Variants in SYNJ2 observed in about 807,000 individuals in gnomAD.
SYNJ2 encodes the protein synaptojanin 2.
A neutral mutation model predicts 141.3 loss-of-function variants in SYNJ2; 116 were observed. The ratio of observed to expected loss-of-function variants is 0.82; its 90% confidence interval spans 0.71 to 0.96. SYNJ2 has a LOEUF of 0.96. Among genes scored for constraint, SYNJ2 ranks in the 40% least tolerant of loss-of-function variants. The pLI is 0.00. For missense variants in SYNJ2, 1,873 were observed against 1,934.8 expected (o/e 0.97, Z 0.60); for synonymous variants, 745 against 777.7 (o/e 0.96, Z 0.70).
chr6:158,026,469 C>T lies in SYNJ2; in HGVS notation c.215-2287C>T, dbSNP rs377517089. 2.2e-4 allele frequency among the ~76,000 whole-genome samples: 33 copies of T among 152,260 alleles called. No individual in the cohort carries two copies. The South Asian group carries it at 6.4e-3, about 30-fold the overall frequency. ...CTGTACAGCTCCCCTGCCTCCACTG[C>T]GCTCACCAGATACCGGCTCTCCTCA... On this transcript the variant is annotated intron_variant, in intron 2 of 26. Coordinates refer to ENST00000355585, the MANE Select transcript of SYNJ2 (RefSeq NM_003898.4).
At chr6:158,006,520 G>A (rs936089771) in intron 1 of SYNJ2, among the ~76,000 whole-genome samples, 2 of 152,240 alleles carry the variant, frequency 1.3e-5, no homozygotes, top group Non-Finnish European at 1.5e-5. Context: ...GGGTTTTCTT[G>A]TATCTTCTTG....
intron 2 of SYNJ2, among the ~76,000 whole-genome samples, chr6:158,021,990 T>G (rs968243695): frequency 6.6e-6 from 1 of 152,192 alleles, no homozygotes; most frequent in Non-Finnish European, 1.5e-5. Context: ...GGGTGCTCAC[T>G]GCGGGTGTTC....
chr6:158,058,770 T>C (rs1009636825), intron 6 of SYNJ2, among the ~76,000 whole-genome samples: 3 of 151,938 alleles, frequency 2.0e-5, no homozygotes, highest in Non-Finnish European at 4.4e-5. Context: ...CTATGAAAAA[T>C]AAATAAGTAA....
At chr6:157,985,508 G>C (rs868138799) in intron 1 of SYNJ2, among the ~76,000 whole-genome samples, 4 of 152,192 alleles carry the variant, frequency 2.6e-5, no homozygotes, top group African/African-American at 9.6e-5. Flanking sequence ...CAGCACAGGT[G>C]GGAAGCCCCG....
Position 158,071,050 on chromosome 6 carries a change from G to GT in SYNJ2, c.1941-551dup, listed in dbSNP as rs574767796. 2.7e-3 allele frequency among the ~76,000 whole-genome samples: 406 copies of GT among 152,292 alleles called. 1 individual carries two copies. Among genetic ancestry groups the GT allele is most frequent in the Admixed American group, 4.8e-3 (73 of 15,302 alleles). ...ATACAAAAATTAGCCGGGCGTGATG[G>GT]TGGGTACCTGTAATCCCAGCTACTC... On this transcript the variant is annotated intron_variant, in intron 14 of 26. Coordinates refer to ENST00000355585, the MANE Select transcript of SYNJ2 (RefSeq NM_003898.4). This position sits in a 1 kb window ranked among gnomAD's most constrained non-coding sequence, Gnocchi z 4.3.
rs188047969 is a variant in SYNJ2 at position 158,032,895 on chromosome 6, C to T, written c.486-560C>T. On this transcript the variant is annotated intron_variant, in intron 3 of 26. Transcript: ENST00000355585. ...AACTTTCATTACATTTTATTTTCCT[C>T]GGATCTTTTTAAAATTTATTTTGGA... Among the ~76,000 whole-genome samples, 119 of 152,316 alleles carry T rather than the reference C, an allele frequency of 7.8e-4. 1 individual carries two copies. Among genetic ancestry groups the T allele is most frequent in the Admixed American group, 7.6e-3 (117 of 15,304 alleles).
chr6:158,062,652 A>C (rs1357189562), intron 8 of SYNJ2, among the ~76,000 whole-genome samples: 2 of 152,164 alleles, frequency 1.3e-5, no homozygotes, highest in African/African-American at 4.8e-5. Flanking sequence ...CCCTCAGGTC[A>C]CATGCAGGGG....
rs543698350 is a variant in SYNJ2, at chr6:158,006,759, G to A, written c.128-10445G>A. Among the ~76,000 whole-genome samples, 11 of 152,140 alleles carry A rather than the reference G, an allele frequency of 7.2e-5. No homozygotes were observed. The South Asian group carries it at 8.3e-4, about 11-fold the overall frequency. On this transcript the variant is annotated intron_variant, in intron 1 of 26. Transcript: ENST00000355585. ...GCGATCTCGGCTCACTGCAACCTTC[G>A]CCTCCTGGGTTCAAGTGATTCTCCT... is the stretch of plus-strand genomic sequence containing the variant.
At chr6:158,082,728 T>C (rs1467627297) in intron 20 of SYNJ2, among the ~76,000 whole-genome samples, 1 of 152,188 alleles carries the variant, frequency 6.6e-6, no homozygotes, top group Non-Finnish European at 1.5e-5. Flanking sequence ...AAGGCAGCTC[T>C]ACCAGCAGCT....
Position 158,067,544 on chromosome 6 carries a change from C to T in SYNJ2, c.1717+909C>T, listed in dbSNP as rs553496072. The T allele has an allele frequency of 1.1e-5, 11 of 985,414 alleles. No individual in the cohort carries two copies. In the South Asian group the frequency reaches 4.2e-4, roughly 38 times the overall value. 61.0% of individuals were successfully genotyped at this position (985,414 alleles called of 1,614,324 possible). A position where few individuals can be genotyped will look rare whatever the true frequency, so the allele number is the denominator to read the frequency against. On this transcript the variant is annotated intron_variant, in intron 12 of 26. Coordinates refer to ENST00000355585, the MANE Select transcript of SYNJ2 (RefSeq NM_003898.4). ...GATTCTTGTCCAGTCATCGTTGACT[C>T]GGGCCTTGGTTTTTTTGTTTGTTTG...
intron 3 of SYNJ2, 190 bp downstream of exon 3, chr6:158,029,216 C>T: frequency 2.8e-6 from 2 of 702,004 alleles, no homozygotes; most frequent in Non-Finnish European, 4.5e-6. Context: ...CTGCCACCCC[C>T]CACCCCTGGC....
intron 1 of SYNJ2, among the ~76,000 whole-genome samples, chr6:157,991,521 A>AG (rs141557831): frequency 4.6e-5 from 7 of 151,722 alleles, no homozygotes; most frequent in African/African-American, 1.7e-4. Flanking sequence ...CAGTGGGGGA[A>AG]TTTAGTTAAT....
At chr6:158,050,891 A>G (rs1009892728) in intron 5 of SYNJ2, among the ~76,000 whole-genome samples, 2 of 151,734 alleles carry the variant, frequency 1.3e-5, no homozygotes, top group Non-Finnish European at 2.9e-5. Flanking sequence ...AGGCCAGGGG[A>G]TTCAGCGTCT....
chr6:158,055,023 C>G lies in SYNJ2; in HGVS notation c.852C>G (p.Phe284Leu). Residue 284 changes from phenylalanine to leucine, a missense_variant, in exon 6 of 27, where the codon TTC becomes TTG. Transcript: ENST00000355585. ...HRGLEANAPAFDRHMVLLKEQ... is the reference protein window; with the variant it reads ...HRGLEANAPALDRHMVLLKEQ... ...GCCTGGAAGCCAATGCCCCTGCTTT[C>G]GACAGGTAGGGATTGTCTGACACCA... is the stretch of plus-strand genomic sequence containing the variant. The G allele has an allele frequency of 6.2e-7, 1 of 1,613,842 alleles. No homozygotes were observed. Among genetic ancestry groups the G allele is most frequent in the Middle Eastern group, 1.7e-4 (1 of 5,954 alleles).
intron 4 of SYNJ2, among the ~76,000 whole-genome samples, chr6:158,041,292 C>A (rs1385050868): frequency 6.6e-6 from 1 of 152,220 alleles, no homozygotes; most frequent in Non-Finnish European, 1.5e-5. Context: ...CCTGCCTCCC[C>A]ACCCCAAGAG....
At chr6:158,029,229 C>G (rs1240511238) in intron 3 of SYNJ2, 2 of 641,796 alleles carry the variant, frequency 3.1e-6, no homozygotes, top group East Asian at 5.9e-5. Context: ...CCCCTGGCCC[C>G]TGGAATGTGT....
At chr6:158,038,460 A>G (rs1187516133) in intron 4 of SYNJ2, among the ~76,000 whole-genome samples, 1 of 152,168 alleles carries the variant, frequency 6.6e-6, no homozygotes, top group African/African-American at 2.4e-5. Context: ...GCGGGGCCCC[A>G]GGAAGGTGGC....
chr6:158,010,777 G>A (rs1409375455), intron 1 of SYNJ2, among the ~76,000 whole-genome samples: 1 of 152,244 alleles, frequency 6.6e-6, no homozygotes, highest in South Asian at 2.1e-4. Context: ...TGACAATGGA[G>A]GGACATGTGG....
chr6:157,991,224 G>A (rs1777412402), intron 1 of SYNJ2, among the ~76,000 whole-genome samples: 2 of 152,296 alleles, frequency 1.3e-5, no homozygotes, highest in South Asian at 4.1e-4. Context: ...GACCAGGTGA[G>A]GGACGAACCT....
Sources: allele counts gnomAD v4.1 joint callset (sites outside exome capture counted in the v4.1 genomes callset), GRCh38; gene constraint gnomAD v4.1.1; non-coding constraint Gnocchi (gnomAD v3.1); transcripts MANE v1.5; gene names NCBI Gene and HGNC (gene_info 2026-07-23, HGNC 2026-07-21).